The following CCDC7 variants were observed in gnomAD, a reference collection of about 807,000 sequenced individuals.
CCDC7 encodes the protein coiled-coil domain containing 7.
CCDC7 carries 183 observed loss-of-function variants against 196.9 expected under a neutral mutation model. The ratio of observed to expected loss-of-function variants is 0.93; its 90% confidence interval spans 0.82 to 1.05. CCDC7 has a LOEUF of 1.05. Ranked by LOEUF, CCDC7 falls within the 50% of genes least tolerant of loss-of-function variation. CCDC7 has a pLI of 0.00. For synonymous variants in CCDC7, 525 were observed against 484.6 expected (o/e 1.08, Z -1.10); for missense variants, 1,540 against 1,482.2 (o/e 1.04, Z -0.64).
intron 28 of CCDC7, among the ~76,000 whole-genome samples, chr10:32,774,727 T>C (rs1050886256): frequency 6.6e-6 from 1 of 152,226 alleles, no homozygotes; most frequent in Non-Finnish European, 1.5e-5. Flanking sequence ...TGGTTATTTA[T>C]CTTTTAGGTT....
intron 18 of CCDC7, among the ~76,000 whole-genome samples, chr10:32,598,749 T>G (rs1276077798): frequency 6.6e-6 from 1 of 152,244 alleles, no homozygotes; most frequent in Non-Finnish European, 1.5e-5. Context: ...AATTTCTAGT[T>G]TTTAAAAATT....
chr10:32,846,607 G>T, intron 37 of CCDC7, 148 bp downstream of exon 38: 2 of 545,812 alleles, frequency 3.7e-6, no homozygotes, highest in South Asian at 5.8e-5. Flanking sequence ...TTAAGCTCTA[G>T]CATTTACTAT....
intron 24 of CCDC7, among the ~76,000 whole-genome samples, chr10:32,698,881 C>T (rs2078168847): frequency 6.6e-6 from 1 of 152,110 alleles, no homozygotes. Context: ...TCGAGAAGAG[C>T]ATCTCCAAGA....
chr10:32,852,720 C>T (rs1412705691), intron 40 of CCDC7, among the ~76,000 whole-genome samples: 1 of 152,050 alleles, frequency 6.6e-6, no homozygotes, highest in African/African-American at 2.4e-5. Context: ...ATAGGAAATG[C>T]AGAAAGTTGA....
intron 37 of CCDC7, among the ~76,000 whole-genome samples, 195 bp from the exon 39 acceptor site, chr10:32,847,638 C>T (rs564110470): frequency 6.8e-6 from 1 of 148,082 alleles, no homozygotes; most frequent in Non-Finnish European, 1.5e-5. Context: ...CCACTTGAGC[C>T]CAGGAGGTTG....
rs548340992 is a variant in CCDC7, at chr10:32,603,643, G to A, written c.1801+19339G>A. 1.2e-3 allele frequency among the ~76,000 whole-genome samples: 172 copies of A among 148,238 alleles called. 1 individual carries two copies. Among genetic ancestry groups the A allele is most frequent in the Middle Eastern group, 3.5e-3 (1 of 284 alleles). On this transcript the variant is annotated intron_variant, in intron 18 of 41. Transcript: ENST00000639629. ...TTATTTTTTGTCTTTTTGATAATAA[G>A]CATTCGATCTAGAATAAAATGATAT...
At chr10:32,727,347 C>G (rs1478864616) in intron 26 of CCDC7, among the ~76,000 whole-genome samples, 3 of 152,030 alleles carry the variant, frequency 2.0e-5, no homozygotes, top group Non-Finnish European at 4.4e-5. Flanking sequence ...TTCTTGGTAC[C>G]CTTATAGATG....
intron 28 of CCDC7, among the ~76,000 whole-genome samples, chr10:32,763,960 T>G (rs2133921116): frequency 6.6e-6 from 1 of 151,994 alleles, no homozygotes; most frequent in African/African-American, 2.4e-5. Context: ...GAGAGTAGAC[T>G]TTATTCTCAC....
intron 33 of CCDC7, among the ~76,000 whole-genome samples, chr10:32,836,208 A>G (rs2092589522): frequency 6.6e-6 from 1 of 152,038 alleles, no homozygotes; most frequent in Non-Finnish European, 1.5e-5. Context: ...CCCTGAAACC[A>G]CTGTCATTCA....
rs546345491 is a variant in CCDC7 at position 32,585,606 on chromosome 10, T to C, written c.1801+1302T>C. On this transcript the variant is annotated intron_variant, in intron 18 of 41. Coordinates refer to ENST00000639629, the Ensembl canonical transcript of CCDC7. ...GTTCTCATTGTTCAGCTCCCACTTA[T>C]GATTGAGAACATGTGGTGTTTGGTT... Among the ~76,000 whole-genome samples, 6 of 152,256 alleles carry C rather than the reference T, an allele frequency of 3.9e-5. No homozygotes were observed. In the South Asian group the frequency reaches 6.2e-4, roughly 16 times the overall value.
upstream of CCDC7, chr10:32,451,493 T>C: frequency 8.5e-7 from 1 of 1,171,762 alleles, no homozygotes; most frequent in Non-Finnish European, 1.1e-6. Flanking sequence ...CTTAATGTAC[T>C]CTGAGCAAAT....
intron 28 of CCDC7, among the ~76,000 whole-genome samples, chr10:32,758,733 A>G (rs920967842): frequency 1.1e-4 from 17 of 152,102 alleles, no homozygotes; most frequent in Admixed American, 9.8e-4. Flanking sequence ...CATAGTGTTG[A>G]AAGTTCTGGC....
At chr10:32,619,871 T>G (rs1307410242) in intron 18 of CCDC7, among the ~76,000 whole-genome samples, 2 of 149,386 alleles carry the variant, frequency 1.3e-5, no homozygotes, top group African/African-American at 2.5e-5. Flanking sequence ...AGTGCTGATA[T>G]TACAGGCATG....
upstream of CCDC7, among the ~76,000 whole-genome samples, chr10:32,447,075 A>G (rs1490236740): frequency 1.3e-5 from 2 of 151,814 alleles, no homozygotes; most frequent in Non-Finnish European, 2.9e-5. Flanking sequence ...GTTTTCTTCT[A>G]GTAATACTGT....
At chr10:32,818,985 G>A (rs2089512072) in intron 31 of CCDC7, among the ~76,000 whole-genome samples, 1 of 152,130 alleles carries the variant, frequency 6.6e-6, no homozygotes, top group South Asian at 2.1e-4. Flanking sequence ...GAAGGAAATA[G>A]AGACATAAAT....
intron 11 of CCDC7, among the ~76,000 whole-genome samples, chr10:32,536,314 C>G (rs759062871): frequency 3.2e-4 from 49 of 152,072 alleles, no homozygotes; most frequent in Non-Finnish European, 1.0e-4. Flanking sequence ...GTCTGTTACC[C>G]CAGCTAGCCA....
At chr10:32,772,004 A>G (rs2079235878) in intron 28 of CCDC7, among the ~76,000 whole-genome samples, 1 of 152,068 alleles carries the variant, frequency 6.6e-6, no homozygotes, top group Non-Finnish European at 1.5e-5. Context: ...GGGTACTCTG[A>G]TTTCATAGGC....
intron 31 of CCDC7, among the ~76,000 whole-genome samples, chr10:32,819,859 A>G (rs1388287218): frequency 1.3e-5 from 2 of 152,228 alleles, no homozygotes; most frequent in African/African-American, 4.8e-5. Context: ...AGCCAATATC[A>G]TACTGAATGG....
At chr10:32,592,943 C>A (rs1299718069) in intron 18 of CCDC7, among the ~76,000 whole-genome samples, 1 of 151,376 alleles carries the variant, frequency 6.6e-6, no homozygotes, top group Non-Finnish European at 1.5e-5. Flanking sequence ...TTAATCCAGT[C>A]TGTCATTGAT....
Sources: allele counts gnomAD v4.1 joint callset (sites outside exome capture counted in the v4.1 genomes callset), GRCh38; gene constraint gnomAD v4.1.1; transcripts MANE v1.5; gene names NCBI Gene and HGNC (gene_info 2026-07-23, HGNC 2026-07-21).